Variants in DNER observed in about 807,000 individuals in gnomAD.
DNER encodes delta and Notch-like epidermal growth factor-related receptor.
In DNER, 33 loss-of-function variants were observed where a neutral mutation model predicts 78.2. That is an observed-to-expected ratio of 0.42 (90% CI 0.32 to 0.56). The LOEUF is 0.56. Among genes scored for constraint, DNER ranks in the 20% least tolerant of loss-of-function variants. The pLI, the probability that DNER is intolerant of heterozygous loss-of-function variation, is 0.11. For missense variants in DNER, 918 were observed against 975.3 expected (o/e 0.94, Z 0.78); for synonymous variants, 417 against 384.8 (o/e 1.08, Z -0.98).
At chr2:229,497,599 AAG>A (rs546000327) in intron 6 of DNER, among the ~76,000 whole-genome samples, 441 of 152,262 alleles carry the variant, frequency 2.9e-3, no homozygotes, top group African/African-American at 0.01. Context: ...ACAGAAATGA[AAG>A]AGGGGATATT....
At chr2:229,456,412 TA>T (rs1436360091) in intron 7 of DNER, among the ~76,000 whole-genome samples, 2 of 151,264 alleles carry the variant, frequency 1.3e-5, no homozygotes, top group Non-Finnish European at 2.9e-5. Context: ...GACAAACATC[TA>T]AACCACACCA....
At position 229,361,338 on chromosome 2, in the gene DNER, T is replaced by C. The variant is rs1273950461; in HGVS notation, c.2103-2687A>G. 2.0e-5 allele frequency among the ~76,000 whole-genome samples: 3 copies of C among 152,170 alleles called. No homozygotes were observed. The East Asian group carries it at 5.8e-4, about 29-fold the overall frequency. On this transcript the variant is annotated intron_variant, in intron 12 of 12. Coordinates refer to ENST00000341772, the MANE Select transcript of DNER (RefSeq NM_139072.4). Reference sequence around the variant, plus strand: ...TACTACTTTTTATCATAAAGGTACATTTTAAATGTAAAAAAAAACCAAAAT... The same window carrying C: ...TACTACTTTTTATCATAAAGGTACACTTTAAATGTAAAAAAAAACCAAAAT...
chr2:229,491,852 G>A (rs1385648774), intron 6 of DNER, among the ~76,000 whole-genome samples: 2 of 151,888 alleles, frequency 1.3e-5, no homozygotes, highest in African/African-American at 4.8e-5. Context: ...TTAAATCCAT[G>A]AATCACATCC....
chr2:229,387,583 GGAAGGAAA>G (rs1265800498), intron 11 of DNER, among the ~76,000 whole-genome samples: 1 of 148,412 alleles, frequency 6.7e-6, no homozygotes, highest in East Asian at 2.0e-4. Context: ...AAAGAAGGAA[GGAAGGAAA>G]GAAGGAAAGG....
chr2:229,709,711 A>G (rs890802335), intron 1 of DNER, among the ~76,000 whole-genome samples: 1 of 152,232 alleles, frequency 6.6e-6, no homozygotes, highest in African/African-American at 2.4e-5. Context: ...CCAAGTGCAG[A>G]AATTAACACA....
intron 11 of DNER, among the ~76,000 whole-genome samples, chr2:229,370,157 G>C (rs1447972299): frequency 6.6e-6 from 1 of 152,090 alleles, no homozygotes; most frequent in South Asian, 2.1e-4. Context: ...TCCTTACCTT[G>C]AAAAGCTGCA....
At chr2:229,585,025 G>T (rs1024511789) in intron 4 of DNER, among the ~76,000 whole-genome samples, 10 of 152,132 alleles carry the variant, frequency 6.6e-5, no homozygotes, top group Non-Finnish European at 1.2e-4. Flanking sequence ...GATGCAGGAG[G>T]GGTGGTTATG....
intron 10 of DNER, among the ~76,000 whole-genome samples, chr2:229,395,492 G>C (rs912765030): frequency 2.0e-5 from 3 of 152,158 alleles, no homozygotes; most frequent in Non-Finnish European, 4.4e-5. Flanking sequence ...CCCTCTTTTG[G>C]GGGACCCAGG....
intron 8 of DNER, among the ~76,000 whole-genome samples, chr2:229,431,024 T>G (rs1321677897): frequency 6.6e-6 from 1 of 152,128 alleles, no homozygotes; most frequent in African/African-American, 2.4e-5. Flanking sequence ...AAAGAAATTG[T>G]TTTTTAAAAG....
At chr2:229,671,993 A>G (rs190960949) in intron 1 of DNER, among the ~76,000 whole-genome samples, 41 of 152,322 alleles carry the variant, frequency 2.7e-4, no homozygotes, top group African/African-American at 9.4e-4. Context: ...TATCATTGAG[A>G]TAAAAGAAAG....
At chr2:229,610,724 G>A (rs1424515242) in intron 1 of DNER, among the ~76,000 whole-genome samples, 1 of 152,110 alleles carries the variant, frequency 6.6e-6, no homozygotes, top group Non-Finnish European at 1.5e-5. Flanking sequence ...ACCAGGACTG[G>A]GTTCCAGGCT....
chr2:229,588,232 G>T (rs962337787), intron 3 of DNER, among the ~76,000 whole-genome samples, 162 bp downstream of exon 3: 1 of 152,144 alleles, frequency 6.6e-6, no homozygotes, highest in South Asian at 2.1e-4. Context: ...CTCTGAAATC[G>T]CTTCCTCTAG....
intron 8 of DNER, among the ~76,000 whole-genome samples, chr2:229,435,960 T>A (rs1694113406): frequency 6.6e-6 from 1 of 152,216 alleles, no homozygotes; most frequent in South Asian, 2.1e-4. Context: ...TGATTTTTTT[T>A]AACTTTTATT....
chr2:229,664,896 T>C (rs370782120), intron 1 of DNER, among the ~76,000 whole-genome samples: 26 of 152,084 alleles, frequency 1.7e-4, no homozygotes, highest in African/African-American at 6.0e-4. Flanking sequence ...TTGGACCCTG[T>C]TGGAAAAAAA....
intron 5 of DNER, among the ~76,000 whole-genome samples, chr2:229,542,956 T>C (rs1696545530): frequency 6.6e-6 from 1 of 152,032 alleles, no homozygotes; most frequent in African/African-American, 2.4e-5. Flanking sequence ...GTAATAATAA[T>C]GGCTCAGATA....
intron 12 of DNER, among the ~76,000 whole-genome samples, chr2:229,364,585 A>G (rs6722278): frequency 0.085 from 12,930 of 152,144 alleles, 631 homozygotes; most frequent in South Asian, 0.13. Context: ...CCTCCCTCGC[A>G]GTTACATAAG....
intron 8 of DNER, among the ~76,000 whole-genome samples, chr2:229,445,300 G>A (rs559159398): frequency 6.6e-6 from 1 of 152,298 alleles, no homozygotes; most frequent in South Asian, 2.1e-4. Flanking sequence ...ACCCTCTGAG[G>A]GGCAGCTATT....
chr2:229,704,353 G>T (rs1386281013), intron 1 of DNER, among the ~76,000 whole-genome samples: 1 of 152,300 alleles, frequency 6.6e-6, no homozygotes, highest in East Asian at 1.9e-4. Flanking sequence ...GGAAATCCTA[G>T]TTATTTACTC....
intron 12 of DNER, among the ~76,000 whole-genome samples, chr2:229,359,158 A>T (rs1692157403): frequency 6.6e-6 from 1 of 152,160 alleles, no homozygotes; most frequent in Non-Finnish European, 1.5e-5. Flanking sequence ...CAGAGGTGGG[A>T]AATGACTTCA....
Sources: allele counts gnomAD v4.1 joint callset (sites outside exome capture counted in the v4.1 genomes callset), GRCh38; gene constraint gnomAD v4.1.1; transcripts MANE v1.5; gene names NCBI Gene and HGNC (gene_info 2026-07-23, HGNC 2026-07-21).